LSAMP: variants seen among roughly 807,000 people sequenced by gnomAD.
LSAMP encodes limbic system-associated membrane protein.
In LSAMP, 7 loss-of-function variants were observed where a neutral mutation model predicts 38.6. That is an observed-to-expected ratio of 0.18 (90% confidence interval 0.10 to 0.34). LSAMP has a LOEUF of 0.34. Ranked by LOEUF, LSAMP falls within the 10% of genes least tolerant of loss-of-function variation. LSAMP has a pLI of 1.00. For missense variants in LSAMP, 313 were observed against 420.0 expected (o/e 0.75, Z 2.23); for synonymous variants, 154 against 166.8 (o/e 0.92, Z 0.59).
chr3:115,833,192 C>G (rs1934672728), intron 6 of LSAMP, among the ~76,000 whole-genome samples: 1 of 151,990 alleles, frequency 6.6e-6, no homozygotes, highest in Non-Finnish European at 1.5e-5. Context: ...ATCTCTGCAG[C>G]AACACTAGAA....
chr3:116,301,704 A>G (rs2047410686), intron 1 of LSAMP, among the ~76,000 whole-genome samples: 1 of 152,164 alleles, frequency 6.6e-6, no homozygotes, highest in Non-Finnish European at 1.5e-5. Flanking sequence ...CTCCTGCCAA[A>G]CCATGGGAAA....
At chr3:116,017,178 C>G (rs1036637380) in intron 3 of LSAMP, among the ~76,000 whole-genome samples, 5 of 152,096 alleles carry the variant, frequency 3.3e-5, no homozygotes, top group Non-Finnish European at 7.4e-5. Flanking sequence ...CTCTGAAACT[C>G]TGGTTCCACA....
chr3:116,149,199 C>T (rs967693127), intron 1 of LSAMP, among the ~76,000 whole-genome samples: 1 of 151,756 alleles, frequency 6.6e-6, no homozygotes. Context: ...CCAGGAGACC[C>T]TGCAGTATAG....
intron 1 of LSAMP, among the ~76,000 whole-genome samples, chr3:116,243,543 TC>T (rs1472215478): frequency 6.6e-6 from 1 of 152,230 alleles, no homozygotes; most frequent in Non-Finnish European, 1.5e-5. Context: ...TTCAAAATTT[TC>T]TAAGTTCTCT....
intron 3 of LSAMP, among the ~76,000 whole-genome samples, chr3:115,873,170 G>C (rs1403994691): frequency 6.6e-6 from 1 of 152,032 alleles, no homozygotes. Flanking sequence ...AGGAGTTCAA[G>C]ACCAGCCTGG....
At chr3:115,831,707 G>A (rs903755602) in intron 6 of LSAMP, among the ~76,000 whole-genome samples, 1 of 152,094 alleles carries the variant, frequency 6.6e-6, no homozygotes, top group Non-Finnish European at 1.5e-5. Context: ...ATAGTAGGAG[G>A]TATTTATGCA....
At chr3:116,007,580 T>A (rs1449097215) in intron 3 of LSAMP, among the ~76,000 whole-genome samples, 1 of 152,194 alleles carries the variant, frequency 6.6e-6, no homozygotes, top group African/African-American at 2.4e-5. Flanking sequence ...GTGCAGTTGT[T>A]ACTTCTAAAC....
intron 3 of LSAMP, among the ~76,000 whole-genome samples, chr3:115,888,076 G>GA (rs895395495): frequency 2.6e-5 from 4 of 151,786 alleles, no homozygotes; most frequent in Non-Finnish European, 5.9e-5. Context: ...GATGAGTAAG[G>GA]CAAATAGTTG....
chr3:116,273,852 C>T (rs1341794036), intron 1 of LSAMP, among the ~76,000 whole-genome samples: 2 of 146,004 alleles, frequency 1.4e-5, no homozygotes, highest in African/African-American at 2.6e-5. Context: ...TCTTAATGGT[C>T]GTCTGGGCTT....
intron 1 of LSAMP, among the ~76,000 whole-genome samples, chr3:116,317,702 G>A (rs1576122608): frequency 6.6e-6 from 1 of 151,960 alleles, no homozygotes; most frequent in South Asian, 2.1e-4. Flanking sequence ...GGGAAACTGG[G>A]GGCAGTAGTT....
At chr3:116,340,853 C>T (rs1219059891) in intron 1 of LSAMP, among the ~76,000 whole-genome samples, 1 of 151,970 alleles carries the variant, frequency 6.6e-6, no homozygotes, top group African/African-American at 2.4e-5. Context: ...TCTAGACTCT[C>T]TGAAAGTGAT....
intron 3 of LSAMP, among the ~76,000 whole-genome samples, chr3:115,876,509 T>C (rs563228954): frequency 1.3e-5 from 2 of 151,992 alleles, no homozygotes; most frequent in African/African-American, 2.4e-5. Context: ...GAGGTTACTA[T>C]TGATTTCTAT....
chr3:116,195,448 A>T (rs1444158239), intron 1 of LSAMP, among the ~76,000 whole-genome samples: 2 of 152,212 alleles, frequency 1.3e-5, no homozygotes, highest in Non-Finnish European at 2.9e-5. Flanking sequence ...TACCACAAAT[A>T]TAATTAAACA....
At chr3:116,397,303 A>G (rs1396634190) in intron 1 of LSAMP, among the ~76,000 whole-genome samples, 1 of 151,962 alleles carries the variant, frequency 6.6e-6, no homozygotes, top group African/African-American at 2.4e-5. Context: ...TTCTCTAGGT[A>G]AGTTCCTGCC....
intron 3 of LSAMP, among the ~76,000 whole-genome samples, chr3:115,857,631 G>C (rs1231970263): frequency 6.6e-6 from 1 of 152,148 alleles, no homozygotes; most frequent in Admixed American, 6.5e-5. Context: ...CTGGGATCTA[G>C]TGTTTAGTTT....
intron 2 of LSAMP, among the ~76,000 whole-genome samples, chr3:116,081,148 A>T (rs971904280): frequency 6.6e-6 from 1 of 152,154 alleles, no homozygotes; most frequent in Non-Finnish European, 1.5e-5. Flanking sequence ...TAGAAACAAT[A>T]AGCTCTAGAC....
At chr3:116,282,881 G>A (rs1425062567) in intron 1 of LSAMP, among the ~76,000 whole-genome samples, 1 of 151,972 alleles carries the variant, frequency 6.6e-6, no homozygotes, top group Non-Finnish European at 1.5e-5. Flanking sequence ...AAACTGCTGT[G>A]CTCCTTGTCA....
At chr3:115,954,737 C>G (rs550079114) in intron 3 of LSAMP, among the ~76,000 whole-genome samples, 1 of 152,160 alleles carries the variant, frequency 6.6e-6, no homozygotes, top group Non-Finnish European at 1.5e-5. Flanking sequence ...TGCCACTTTT[C>G]TAGTAGTTTT....
intron 3 of LSAMP, among the ~76,000 whole-genome samples, chr3:115,935,785 T>A (rs1349308443): frequency 6.6e-6 from 1 of 152,122 alleles, no homozygotes; most frequent in African/African-American, 2.4e-5. Flanking sequence ...TAGCAAAATG[T>A]TTTAGTGTCT....
Sources: allele counts gnomAD v4.1 joint callset (sites outside exome capture counted in the v4.1 genomes callset), GRCh38; gene constraint gnomAD v4.1.1; transcripts MANE v1.5; gene names NCBI Gene and HGNC (gene_info 2026-07-23, HGNC 2026-07-21).